CPNE4: variants seen among roughly 807,000 people sequenced by gnomAD.
CPNE4 encodes copine-4.
In CPNE4, 25 loss-of-function variants were observed where a neutral mutation model predicts 67.9. The observed-to-expected ratio is 0.37, with a 90% CI of 0.27 to 0.51. CPNE4 has a LOEUF of 0.51. CPNE4 is among the 20% of genes least tolerant of loss of function. The pLI is 0.93. For missense variants in CPNE4, 464 were observed against 690.8 expected, an observed-to-expected ratio of 0.67 and a Z score of 3.68; for synonymous variants, 242 against 244.9, an observed-to-expected ratio of 0.99 and a Z score of 0.11.
chr3:131,892,903 A>G (rs568349731), intron 2 of CPNE4, among the ~76,000 whole-genome samples: 6 of 152,196 alleles, frequency 3.9e-5, no homozygotes, highest in African/African-American at 1.4e-4. Flanking sequence ...AAACAATGAC[A>G]GAGAAAGGAA....
chr3:131,646,976 T>C lies in CPNE4; in HGVS notation c.681+22699A>G, dbSNP rs1005184767. Among the ~76,000 whole-genome samples the C allele has an allele frequency of 3.3e-5, 5 of 152,182 alleles. 1 individual carries two copies. Among genetic ancestry groups the C allele is most frequent in the Admixed American group, 3.3e-4 (5 of 15,278 alleles). Reference sequence around the variant, plus strand: ...CATTCTGCCATCTGAATCACCAGCCTCTAGTCTTGGGGAGCAGAGCAGAGA... The same window carrying C: ...CATTCTGCCATCTGAATCACCAGCCCCTAGTCTTGGGGAGCAGAGCAGAGA... On this transcript the variant is annotated intron_variant, in intron 7 of 15. Transcript: ENST00000429747.
In CPNE4 at chr3:131,742,342, C is replaced by T. The variant is rs951954963; in HGVS notation, c.181-18717G>A. On this transcript the variant is annotated intron_variant, in intron 2 of 15. Transcript: ENST00000429747. ...CTAAGACTTGGACTGGAATTTATAC[C>T]GTGGGCTCTCCTTTTTCTAAGGCCT... Among the ~76,000 whole-genome samples the T allele has an allele frequency of 3.3e-5, 5 of 152,116 alleles. No individual in the cohort carries two copies. The East Asian group carries it at 7.7e-4, about 23-fold the overall frequency.
intron 2 of CPNE4, among the ~76,000 whole-genome samples, chr3:131,800,478 G>A (rs1004570070): frequency 6.6e-6 from 1 of 152,148 alleles, no homozygotes; most frequent in Admixed American, 6.5e-5. Flanking sequence ...CGGATAAATG[G>A]CCATCTGAGC....
chr3:131,626,612 T>C (rs2079080456), intron 7 of CPNE4, among the ~76,000 whole-genome samples: 1 of 152,220 alleles, frequency 6.6e-6, no homozygotes, highest in Non-Finnish European at 1.5e-5. Flanking sequence ...GCTGTCTCCA[T>C]ACCAGAAAAG....
intron 1 of CPNE4, among the ~76,000 whole-genome samples, chr3:131,957,836 T>C (rs2072021983): frequency 6.6e-6 from 1 of 152,222 alleles, no homozygotes; most frequent in African/African-American, 2.4e-5. Flanking sequence ...GCAGAATAGC[T>C]GGAGATAATT....
At chr3:132,037,136 G>C (rs2074353833), upstream of CPNE4, among the ~76,000 whole-genome samples, 2 of 152,148 alleles carry the variant, frequency 1.3e-5, no homozygotes, top group Non-Finnish European at 2.9e-5. Flanking sequence ...TAGGGAAAAA[G>C]AAAAACAACA....
chr3:131,988,872 C>G (rs766833581), intron 1 of CPNE4, among the ~76,000 whole-genome samples: 1 of 152,212 alleles, frequency 6.6e-6, no homozygotes, highest in African/African-American at 2.4e-5. Flanking sequence ...ACCTGGATCA[C>G]TGTAATGCCA....
chr3:131,565,131 C>T (rs865833297), intron 10 of CPNE4, among the ~76,000 whole-genome samples: 2 of 151,952 alleles, frequency 1.3e-5, no homozygotes, highest in African/African-American at 2.4e-5. Context: ...ATGCTTAAGC[C>T]GAGGGTGTTA....
rs1356002779 is a variant in CPNE4 at position 131,942,459 on chromosome 3, TGTGTGAGAGAGAGAGAGAGAGAGAGAGA to T, written c.-1-37043_-1-37016del. On this transcript the variant is annotated intron_variant, in intron 1 of 15. Transcript: ENST00000429747. ...GTGTGTGTGTGTGTGTGTGTGTGTGTGTGTGAGAGAGAGAGAGAGAGAGAGAGAGAGAGAGAGAGAGAGAGAGAGAGAG... is the reference window on the plus strand; with the variant it reads ...GTGTGTGTGTGTGTGTGTGTGTGTGTGAGAGAGAGAGAGAGAGAGAGAGAG... 1.2e-3 allele frequency among the ~76,000 whole-genome samples: 67 copies of T among 56,420 alleles called. No individual in the cohort carries two copies. In the South Asian group the frequency reaches 0.022, roughly 18 times the overall value. 37.0% of individuals were successfully genotyped at this position (56,420 alleles called of 152,430 possible).
rs534807126 is a variant in CPNE4, at chr3:131,641,080, G to C, written c.681+28595C>G. 4.6e-5 allele frequency among the ~76,000 whole-genome samples: 7 copies of C among 152,126 alleles called. No individual in the cohort carries two copies. The South Asian group carries it at 1.5e-3, about 32-fold the overall frequency. ...ATGAGGACTGTAGAAGATAACATTG[G>C]GAAAACCCTTCTAGACATTGGCTTA... is the stretch of plus-strand genomic sequence containing the variant. On this transcript the variant is annotated intron_variant, in intron 7 of 15. Coordinates refer to ENST00000429747, the MANE Select transcript of CPNE4 (RefSeq NM_130808.3).
intron 2 of CPNE4, among the ~76,000 whole-genome samples, chr3:131,830,332 GT>G (rs2085317102): frequency 6.6e-6 from 1 of 151,948 alleles, no homozygotes; most frequent in Admixed American, 6.6e-5. Flanking sequence ...CTTCTATCTT[GT>G]CCCCCAGCTT....
At chr3:132,038,806 T>TTATC (rs1445542649), upstream of CPNE4, among the ~76,000 whole-genome samples, 1 of 152,180 alleles carries the variant, frequency 6.6e-6, no homozygotes, top group Non-Finnish European at 1.5e-5. Flanking sequence ...GCAGAGGCTG[T>TTATC]TATCTGCCCA....
intron 1 of CPNE4, among the ~76,000 whole-genome samples, chr3:131,971,417 A>G (rs1203681214): frequency 6.6e-6 from 1 of 152,210 alleles, no homozygotes; most frequent in African/African-American, 2.4e-5. Context: ...ATTTGGAACT[A>G]TCTTTTTTAT....
intron 2 of CPNE4, among the ~76,000 whole-genome samples, chr3:131,801,452 G>GTGTGTGTGTATATATATATA (rs761978890): frequency 1.9e-5 from 1 of 53,350 alleles, no homozygotes; most frequent in Non-Finnish European, 3.4e-5. Flanking sequence ...GTGTGTGTGT[G>GTGTGTGTGTATATATATATA]TATATATATA....
chr3:131,603,651 G>A (rs573232495), intron 7 of CPNE4, among the ~76,000 whole-genome samples: 11 of 152,240 alleles, frequency 7.2e-5, no homozygotes, highest in Admixed American at 2.6e-4. Context: ...GAGCTCAAGA[G>A]GCTGAGACAC....
At chr3:132,037,418 A>G (rs1185156381), upstream of CPNE4, 1 of 659,922 alleles carries the variant, frequency 1.5e-6, no homozygotes, top group Non-Finnish European at 2.6e-6. Context: ...TATGAAATCA[A>G]CAGCTCATCT....
intron 1 of CPNE4, among the ~76,000 whole-genome samples, chr3:131,969,214 G>A (rs1452854767): frequency 6.6e-6 from 1 of 151,964 alleles, no homozygotes; most frequent in African/African-American, 2.4e-5. Context: ...CAGGGAGTTG[G>A]GGGCAAGGGG....
intron 7 of CPNE4, among the ~76,000 whole-genome samples, chr3:131,599,339 T>C (rs879496956): frequency 6.6e-6 from 1 of 152,232 alleles, no homozygotes; most frequent in Non-Finnish European, 1.5e-5. Context: ...GTTCCCTTGA[T>C]TATTGTCCCT....
chr3:131,589,585 G>T (rs143734764), intron 7 of CPNE4, among the ~76,000 whole-genome samples: 1 of 152,276 alleles, frequency 6.6e-6, no homozygotes, highest in Non-Finnish European at 1.5e-5. Flanking sequence ...TTTTCCAGCT[G>T]CCTAGGCATC....
Sources: gnomAD v4.1 joint callset for allele counts (sites outside exome capture counted in the v4.1 genomes callset) on GRCh38, gnomAD v4.1.1 for gene constraint, MANE v1.5 for transcripts, NCBI Gene and HGNC (gene_info 2026-07-23, HGNC 2026-07-21) for gene names.